The following ACTMAP variants were observed in gnomAD, a reference collection of about 807,000 sequenced individuals.
ACTMAP encodes the protein actin maturation protease, also known as UPF0692 protein C19orf54.
chr19:40,742,845 C>T, the ACTMAP span: 1 of 1,397,250 alleles, frequency 7.2e-7, no homozygotes, highest in Non-Finnish European at 9.7e-7. Flanking sequence ...AAGTTCCGCC[C>T]TCTCCCGGCC....
chr19:40,742,729 T>TGTAGCC, the ACTMAP span: 1 of 1,611,574 alleles, frequency 6.2e-7, no homozygotes, highest in Non-Finnish European at 8.5e-7. Context: ...GGGTCCTCAG[T>TGTAGCC]GTAGCCGAGA....
At chr19:40,741,632 A>C in the ACTMAP span, 6 of 435,568 alleles carry the variant, frequency 1.4e-5, no homozygotes, top group Non-Finnish European at 2.8e-5. Flanking sequence ...TCAGCACCAT[A>C]ATGTTCAGGG....
At chr19:40,743,986 C>G in the ACTMAP span, 1 of 1,614,032 alleles carries the variant, frequency 6.2e-7, no homozygotes, top group Non-Finnish European at 8.5e-7. Flanking sequence ...CTGGTGCTGG[C>G]ATTAAGGTAA....
the ACTMAP span, chr19:40,750,455 G>A: frequency 6.6e-6 from 1 of 152,122 alleles, no homozygotes; most frequent in South Asian, 2.1e-4. Flanking sequence ...AAAGGAGTCA[G>A]GAAGTAAAGT....
chr19:40,745,964 T>A, the ACTMAP span, among the ~76,000 whole-genome samples: 2 of 152,236 alleles, frequency 1.3e-5, no homozygotes, highest in East Asian at 1.9e-4. Context: ...TGAGCCACCG[T>A]GCCCGACTCT....
At chr19:40,742,466 G>A in the ACTMAP span, 1 of 1,472,986 alleles carries the variant, frequency 6.8e-7, no homozygotes, top group Non-Finnish European at 9.0e-7. Context: ...TGAGGAGCAG[G>A]GCCTGGCCAC....
chr19:40,744,538 G>A, the ACTMAP span: 2 of 1,612,364 alleles, frequency 1.2e-6, no homozygotes, highest in South Asian at 2.2e-5. Context: ...AGATGATGGA[G>A]CATGCAGTCA....
the ACTMAP span, chr19:40,750,299 T>A: frequency 6.6e-6 from 1 of 152,152 alleles, no homozygotes; most frequent in African/African-American, 2.4e-5. Flanking sequence ...GAGTCAGAGG[T>A]CAAGAGGTCA....
the ACTMAP span, among the ~76,000 whole-genome samples, chr19:40,745,670 TTTTTA>T: frequency 6.6e-5 from 10 of 152,132 alleles, no homozygotes; most frequent in East Asian, 1.9e-4. Flanking sequence ...CAGCTAGTTC[TTTTTA>T]TTTTATTTTA....
the ACTMAP span, chr19:40,743,830 T>G: frequency 5.1e-6 from 8 of 1,558,154 alleles, no homozygotes; most frequent in Non-Finnish European, 6.2e-6. Context: ...GCACAAGGGG[T>G]GAGAATGTCA....
the ACTMAP span, among the ~76,000 whole-genome samples, chr19:40,746,305 C>T: frequency 4.0e-5 from 6 of 151,682 alleles, no homozygotes; most frequent in Admixed American, 2.6e-4. Flanking sequence ...CCACAACCTC[C>T]GCCTCCTGGG....
At chr19:40,748,358 G>T in the ACTMAP span, among the ~76,000 whole-genome samples, 2 of 152,002 alleles carry the variant, frequency 1.3e-5, no homozygotes, top group Admixed American at 1.3e-4. Flanking sequence ...CAGCCTGGAT[G>T]AAAGAGGGAA....
chr19:40,745,962 C>T, the ACTMAP span, among the ~76,000 whole-genome samples: 345 of 152,308 alleles, frequency 2.3e-3, 2 homozygotes, highest in African/African-American at 7.9e-3. Flanking sequence ...CGTGAGCCAC[C>T]GTGCCCGACT....
chr19:40,749,302 C>A, the ACTMAP span, among the ~76,000 whole-genome samples: 1 of 152,036 alleles, frequency 6.6e-6, no homozygotes, highest in Non-Finnish European at 1.5e-5. Flanking sequence ...GGACTGGGCA[C>A]TTGTGAGGAC....
chr19:40,744,305 G>A, the ACTMAP span: 1 of 1,417,552 alleles, frequency 7.1e-7, no homozygotes, highest in Non-Finnish European at 9.3e-7. Flanking sequence ...CCACCCCTTG[G>A]TACAAATGCA....
the ACTMAP span, chr19:40,745,146 T>C: frequency 6.4e-7 from 1 of 1,551,896 alleles, no homozygotes; most frequent in Admixed American, 2.0e-5. Context: ...CCTTCTTGGA[T>C]GAGGGACGGC....
At chr19:40,743,619 A>G in the ACTMAP span, among the ~76,000 whole-genome samples, 1 of 152,186 alleles carries the variant, frequency 6.6e-6, no homozygotes, top group African/African-American at 2.4e-5. Flanking sequence ...CAGATGGGGA[A>G]AGGAGCTGTC....
At chr19:40,745,243 C>CT in the ACTMAP span, 1 of 1,542,018 alleles carries the variant, frequency 6.5e-7, no homozygotes, top group Non-Finnish European at 8.8e-7. Context: ...AGCTCTGAAG[C>CT]ACCCCCTACC....
chr19:40,743,957 G>T, the ACTMAP span: 1 of 1,614,060 alleles, frequency 6.2e-7, no homozygotes, highest in Non-Finnish European at 8.5e-7. Context: ...ACGGCTCATG[G>T]TTGAAGTCCT....
Sources: gnomAD v4.1 joint callset for allele counts (sites outside exome capture counted in the v4.1 genomes callset) on GRCh38, gnomAD v4.1.1 for gene constraint, MANE v1.5 for transcripts, NCBI Gene and HGNC (gene_info 2026-07-23, HGNC 2026-07-21) for gene names.